EXOC4: variants seen among roughly 807,000 people sequenced by gnomAD.
EXOC4 encodes exocyst complex component 4, also known as SEC8-like 1.
A neutral mutation model predicts 107.2 loss-of-function variants in EXOC4; 71 were observed. The ratio of observed to expected loss-of-function variants is 0.66; its 90% CI spans 0.55 to 0.81. EXOC4 has a LOEUF of 0.81. EXOC4 is among the 30% of genes least tolerant of loss of function. EXOC4 has a pLI of 0.00. For synonymous variants in EXOC4, 456 were observed against 441.2 expected (o/e 1.03, Z -0.42); for missense variants, 1,108 against 1,189.6 (o/e 0.93, Z 1.01).
intron 9 of EXOC4, among the ~76,000 whole-genome samples, chr7:133,560,357 T>C (rs1257665275): frequency 6.6e-6 from 1 of 152,192 alleles, no homozygotes; most frequent in Non-Finnish European, 1.5e-5. Flanking sequence ...CAACCTTGGC[T>C]CACTGCAACC....
At chr7:133,574,828 A>G (rs1801094691) in intron 9 of EXOC4, among the ~76,000 whole-genome samples, 1 of 152,182 alleles carries the variant, frequency 6.6e-6, no homozygotes. Flanking sequence ...CAGAGATGCT[A>G]TTTGGTGAAG....
At chr7:133,713,951 A>G (rs1001188331) in intron 10 of EXOC4, among the ~76,000 whole-genome samples, 1 of 152,176 alleles carries the variant, frequency 6.6e-6, no homozygotes. Flanking sequence ...GTACAGTATC[A>G]TAGAACATAA....
At chr7:134,083,987 C>A in the EXOC4 span, among the ~76,000 whole-genome samples, 9 of 152,282 alleles carry the variant, frequency 5.9e-5, no homozygotes, top group African/African-American at 2.2e-4. Flanking sequence ...CTCTCCACTT[C>A]TTTCTTTATA....
intron 10 of EXOC4, among the ~76,000 whole-genome samples, chr7:133,771,993 G>A (rs997721108): frequency 2.0e-5 from 3 of 151,900 alleles, no homozygotes; most frequent in African/African-American, 7.3e-5. Context: ...GTTTTATAAT[G>A]ACAGTTAATT....
intron 3 of EXOC4, among the ~76,000 whole-genome samples, chr7:133,295,534 T>C (rs1006608953): frequency 2.0e-5 from 3 of 152,182 alleles, no homozygotes; most frequent in African/African-American, 7.2e-5. Context: ...GTATCATCAC[T>C]AGATAAAAGC....
chr7:133,364,535 T>C (rs1796209456), intron 6 of EXOC4, among the ~76,000 whole-genome samples: 1 of 152,162 alleles, frequency 6.6e-6, no homozygotes, highest in South Asian at 2.1e-4. Context: ...AGTGGGTCTA[T>C]GGACCCACAT....
At chr7:133,747,787 C>T (rs919136190) in intron 10 of EXOC4, among the ~76,000 whole-genome samples, 1 of 152,138 alleles carries the variant, frequency 6.6e-6, no homozygotes, top group African/African-American at 2.4e-5. Context: ...TTGCTCCCCG[C>T]TCCTTCATCC....
At chr7:133,371,675 G>A (rs913901250) in intron 6 of EXOC4, among the ~76,000 whole-genome samples, 1 of 152,068 alleles carries the variant, frequency 6.6e-6, no homozygotes, top group African/African-American at 2.4e-5. Flanking sequence ...GGGTTGTTGC[G>A]CATAACACTG....
At chr7:133,291,688 T>C (rs531348144) in intron 3 of EXOC4, among the ~76,000 whole-genome samples, 1 of 152,098 alleles carries the variant, frequency 6.6e-6, no homozygotes, top group Non-Finnish European at 1.5e-5. Flanking sequence ...CGGCCTGTTA[T>C]GTGATTTTTG....
intron 10 of EXOC4, among the ~76,000 whole-genome samples, chr7:133,816,619 A>G (rs888060781): frequency 1.3e-5 from 2 of 152,060 alleles, no homozygotes; most frequent in African/African-American, 2.4e-5. Flanking sequence ...GCAATCCCCA[A>G]CCTTTTTTGG....
chr7:133,395,916 A>T (rs1224790155), intron 7 of EXOC4, among the ~76,000 whole-genome samples: 3 of 149,420 alleles, frequency 2.0e-5, no homozygotes, highest in Non-Finnish European at 3.0e-5. Context: ...ATGATGATTG[A>T]TTTTTTTTTT....
chr7:133,309,933 C>T (rs1181347168), intron 4 of EXOC4, among the ~76,000 whole-genome samples: 1 of 152,076 alleles, frequency 6.6e-6, no homozygotes, highest in Non-Finnish European at 1.5e-5. Context: ...GAACAAGACT[C>T]CATCTCAAAA....
At chr7:133,659,935 G>T (rs1453080759) in intron 10 of EXOC4, among the ~76,000 whole-genome samples, 2 of 152,164 alleles carry the variant, frequency 1.3e-5, no homozygotes, top group Non-Finnish European at 2.9e-5. Flanking sequence ...AGATCAGTAA[G>T]ATATGACTGA....
chr7:133,743,352 A>G (rs1795608161), intron 10 of EXOC4, among the ~76,000 whole-genome samples: 2 of 152,184 alleles, frequency 1.3e-5, no homozygotes, highest in African/African-American at 2.4e-5. Context: ...AAATTATACA[A>G]AGCCAAGCAG....
At chr7:134,084,416 C>T in the EXOC4 span, among the ~76,000 whole-genome samples, 1 of 152,136 alleles carries the variant, frequency 6.6e-6, no homozygotes. Flanking sequence ...AAGATAGCTA[C>T]CAATTGGTGG....
At chr7:133,681,147 C>A (rs1241660884) in intron 10 of EXOC4, among the ~76,000 whole-genome samples, 1 of 152,116 alleles carries the variant, frequency 6.6e-6, no homozygotes, top group South Asian at 2.1e-4. Context: ...CTTTCAGCCC[C>A]GTCTCCTTTG....
intron 12 of EXOC4, among the ~76,000 whole-genome samples, chr7:133,896,272 G>T (rs1799304850): frequency 6.6e-6 from 1 of 151,880 alleles, no homozygotes; most frequent in African/African-American, 2.4e-5. Flanking sequence ...CCTTCCTTAG[G>T]TTCAAAAAAA....
intron 10 of EXOC4, among the ~76,000 whole-genome samples, chr7:133,658,853 G>A (rs1260756486): frequency 1.3e-5 from 2 of 152,138 alleles, no homozygotes; most frequent in Non-Finnish European, 2.9e-5. Context: ...GGAGAGACTA[G>A]TGTACCTGGA....
intron 1 of EXOC4, among the ~76,000 whole-genome samples, chr7:133,255,135 T>TGATC: frequency 6.6e-6 from 1 of 152,010 alleles, no homozygotes; most frequent in South Asian, 2.1e-4. Flanking sequence ...CTAGGTATTT[T>TGATC]TTACTTTGAT....
Sources: gnomAD v4.1 joint callset for allele counts (sites outside exome capture counted in the v4.1 genomes callset) on GRCh38, gnomAD v4.1.1 for gene constraint, MANE v1.5 for transcripts, NCBI Gene and HGNC (gene_info 2026-07-23, HGNC 2026-07-21) for gene names.